Variants in RABGAP1 observed in about 807,000 individuals in gnomAD.
RABGAP1 encodes rab GTPase-activating protein 1.
RABGAP1 carries 23 observed loss-of-function variants against 137.6 expected under a neutral mutation model. The ratio of observed to expected loss-of-function variants is 0.17; its 90% CI spans 0.12 to 0.24. RABGAP1 has a LOEUF of 0.24. Among genes scored for constraint, RABGAP1 ranks in the 10% least tolerant of loss-of-function variants. The pLI is 1.00. For synonymous variants in RABGAP1, 451 were observed against 450.7 expected (o/e 1.00, Z -0.01); for missense variants, 906 against 1,275.8 (o/e 0.71, Z 4.42).
chr9:123,047,930 T>G (rs1194899191), intron 13 of RABGAP1, among the ~76,000 whole-genome samples: 4 of 71,424 alleles, frequency 5.6e-5, no homozygotes, highest in African/African-American at 9.8e-5. Flanking sequence ...TTTTTTTTTT[T>G]TTTTTTTTTT....
chr9:122,948,159 C>T (rs948278160), intron 1 of RABGAP1, among the ~76,000 whole-genome samples: 11 of 152,114 alleles, frequency 7.2e-5, no homozygotes, highest in Admixed American at 3.3e-4. Context: ...GCTACAAACC[C>T]ACAGGAATTA....
At chr9:123,023,451 A>G (rs964499438) in intron 13 of RABGAP1, among the ~76,000 whole-genome samples, 41 of 152,172 alleles carry the variant, frequency 2.7e-4, no homozygotes, top group African/African-American at 7.2e-4. Flanking sequence ...CCAAAGTGCT[A>G]GGATTACAGA....
intron 21 of RABGAP1, among the ~76,000 whole-genome samples, chr9:123,096,728 C>T (rs1018229884): frequency 3.3e-5 from 5 of 152,140 alleles, no homozygotes; most frequent in African/African-American, 1.2e-4. Flanking sequence ...GCCACCACGC[C>T]CGGCTAATTT....
At position 122,997,343 on chromosome 9, in the gene RABGAP1, A is replaced by G. The variant is rs1837080777; in HGVS notation, c.1186A>G (p.Asn396Asp). The change falls in exon 9 of 26, where the codon AAT becomes GAT. Residue 396 changes from asparagine (N) to aspartate (D), a missense_variant. This residue lies in a region of RABGAP1 where 212 missense variants were observed against 289.4 expected (regional missense o/e 0.73). Coordinates refer to ENST00000373647, the MANE Select transcript of RABGAP1 (RefSeq NM_012197.4). ...AAAATCCCCACATTTTCAAGTTGTA[A>G]ATGAAGAAACTCCTAAAGGTGATAC... ...NPKSPHFQVV[N>D]EETPKDKVLF... The G allele has an allele frequency of 6.2e-7, 1 of 1,607,130 alleles. No individual in the cohort carries two copies. The highest frequency in any genetic ancestry group is 2.2e-5 in the East Asian group (1 of 44,770).
At chr9:122,972,549 G>A (rs914388593) in intron 2 of RABGAP1, among the ~76,000 whole-genome samples, 16 of 152,148 alleles carry the variant, frequency 1.1e-4, no homozygotes, top group African/African-American at 2.9e-4. Flanking sequence ...ATTATACCAC[G>A]TGGATTCTCG....
At chr9:123,038,875 A>G (rs1056624488) in intron 13 of RABGAP1, among the ~76,000 whole-genome samples, 1 of 152,118 alleles carries the variant, frequency 6.6e-6, no homozygotes, top group African/African-American at 2.4e-5. Context: ...TATAGTAAAA[A>G]TGAAGTTGGA....
intron 13 of RABGAP1, among the ~76,000 whole-genome samples, chr9:123,055,273 C>A (rs775271149): frequency 1.3e-5 from 2 of 152,172 alleles, no homozygotes; most frequent in Non-Finnish European, 1.5e-5. Context: ...CTCACTGCAG[C>A]TTTGACCCCC....
rs1209323204 is a variant in RABGAP1, at chr9:123,090,395, A to G, written c.2628+10A>G. ...GAAGGACCTGGATAACGTAAGTCCA[A>G]CGGGTCTGAAGGGAAAGATCTCACT... On this transcript the variant is annotated intron_variant, in intron 21 of 25. Transcript: ENST00000373647. 1.3e-5 allele frequency: 20 copies of G among 1,586,294 alleles called. 1 individual carries two copies. The South Asian group carries it at 1.5e-4, about 12-fold the overall frequency.
At chr9:123,078,981 A>G (rs1186951234) in intron 19 of RABGAP1, among the ~76,000 whole-genome samples, 1 of 151,972 alleles carries the variant, frequency 6.6e-6, no homozygotes, top group African/African-American at 2.4e-5. Context: ...TTTCTTTCCA[A>G]ATGTTTTTTA....
At chr9:122,966,594 A>G (rs1156402430) in intron 2 of RABGAP1, among the ~76,000 whole-genome samples, 4 of 151,616 alleles carry the variant, frequency 2.6e-5, no homozygotes, top group Non-Finnish European at 5.9e-5. Context: ...TAGATATTGA[A>G]GAGACAAGTG....
chr9:123,031,773 A>T (rs1464978534), intron 13 of RABGAP1, among the ~76,000 whole-genome samples: 1 of 152,190 alleles, frequency 6.6e-6, no homozygotes, highest in East Asian at 1.9e-4. Flanking sequence ...TTGATTTTAG[A>T]CATGCTGTGG....
intron 6 of RABGAP1, among the ~76,000 whole-genome samples, chr9:122,991,670 A>G (rs1397978038): frequency 6.6e-6 from 1 of 150,740 alleles, no homozygotes; most frequent in Admixed American, 6.6e-5. Context: ...TGGTACAAAC[A>G]TGACTCACTG....
chr9:123,090,219 T>C, intron 20 of RABGAP1, 56 bp from the exon 21 acceptor site: 7 of 1,392,970 alleles, frequency 5.0e-6, no homozygotes, highest in Non-Finnish European at 6.9e-6. Flanking sequence ...CCCTGAGAAA[T>C]TTTCATTTCC....
chr9:122,997,432 T>C (rs1006566212), intron 9 of RABGAP1, 71 bp downstream of exon 9: 96 of 1,069,966 alleles, frequency 9.0e-5, no homozygotes, highest in Non-Finnish European at 1.3e-4. Context: ...AAGGACCCCT[T>C]CTTTGACCAA....
At chr9:122,957,246 T>A (rs1834575477) in intron 2 of RABGAP1, 37 bp downstream of exon 2, 1 of 1,451,150 alleles carries the variant, frequency 6.9e-7, no homozygotes, top group South Asian at 1.6e-5. Flanking sequence ...TTGCTTAGCT[T>A]TTCTAAGCCC....
At chr9:123,056,323 A>C (rs10818781) in intron 13 of RABGAP1, among the ~76,000 whole-genome samples, 11,668 of 152,226 alleles carry the variant, frequency 0.077, 1,620 homozygotes, top group East Asian at 0.61. Context: ...TATAGACTAG[A>C]AGGAGCATAG....
chr9:123,010,611 G>C, intron 11 of RABGAP1, 83 bp downstream of exon 11: 1 of 1,268,772 alleles, frequency 7.9e-7, no homozygotes, highest in Non-Finnish European at 1.1e-6. Flanking sequence ...GATTGATAAT[G>C]TGATACGGCA....
intron 14 of RABGAP1, among the ~76,000 whole-genome samples, chr9:123,068,365 A>G (rs1486117534): frequency 6.6e-6 from 1 of 151,796 alleles, no homozygotes; most frequent in Non-Finnish European, 1.5e-5. Context: ...AAAAAAAAAA[A>G]AGAAAAAATC....
At chr9:122,989,235 C>G (rs368284116) in intron 4 of RABGAP1, 62 bp from the exon 5 acceptor site, 3 of 1,433,016 alleles carry the variant, frequency 2.1e-6, no homozygotes, top group African/African-American at 1.4e-5. Flanking sequence ...ACATCTTAAT[C>G]TAAACGTAGT....
Sources: allele counts gnomAD v4.1 joint callset (sites outside exome capture counted in the v4.1 genomes callset), GRCh38; gene constraint gnomAD v4.1.1; regional missense constraint gnomAD v4.1.1; transcripts MANE v1.5; gene names NCBI Gene and HGNC (gene_info 2026-07-23, HGNC 2026-07-21).